Variants in XRCC4 observed in about 807,000 individuals in gnomAD.
XRCC4 encodes DNA repair protein XRCC4.
Under a neutral mutation model 39.1 loss-of-function variants are expected in XRCC4, and 28 were observed. That is an observed-to-expected ratio of 0.72 (90% CI 0.53 to 0.98). The LOEUF is 0.98. XRCC4 is among the 50% of genes least tolerant of loss of function. The probability of loss-of-function intolerance (pLI) is 0.00; values close to 1 mark genes in which losing one functional copy is unlikely to be tolerated. For missense variants in XRCC4, 350 were observed against 376.4 expected (o/e 0.93, Z 0.58); for synonymous variants, 123 against 126.4 (o/e 0.97, Z 0.18).
chr5:83,168,051 A>T (rs1749562813), intron 3 of XRCC4, among the ~76,000 whole-genome samples: 2 of 152,288 alleles, frequency 1.3e-5, no homozygotes, highest in African/African-American at 4.8e-5. Flanking sequence ...ACAAAAAATG[A>T]TGGTAGATAA....
At chr5:83,372,345 A>G in the XRCC4 span, among the ~76,000 whole-genome samples, 1 of 152,288 alleles carries the variant, frequency 6.6e-6, no homozygotes, top group South Asian at 2.1e-4. Flanking sequence ...TACAGAAAAT[A>G]TTTTCAGTAA....
chr5:83,217,107 G>T (rs1425850204), intron 6 of XRCC4, among the ~76,000 whole-genome samples: 1 of 151,910 alleles, frequency 6.6e-6, no homozygotes, highest in Non-Finnish European at 1.5e-5. Context: ...TAATTCCAGT[G>T]CATTGGGAGG....
At chr5:83,303,548 T>TACAATTC (rs1421593005) in intron 7 of XRCC4, among the ~76,000 whole-genome samples, 1 of 152,198 alleles carries the variant, frequency 6.6e-6, no homozygotes, top group African/African-American at 2.4e-5. Flanking sequence ...AACAACAATT[T>TACAATTC]ACAATTCTTC....
At chr5:83,122,389 T>C (rs547890439) in intron 3 of XRCC4, among the ~76,000 whole-genome samples, 2 of 152,230 alleles carry the variant, frequency 1.3e-5, no homozygotes, top group East Asian at 3.9e-4. Context: ...CATTTTTGAT[T>C]GTCACGGCCA....
chr5:83,085,105 A>G (rs1017359525), intron 1 of XRCC4, among the ~76,000 whole-genome samples: 14 of 152,218 alleles, frequency 9.2e-5, no homozygotes, highest in East Asian at 1.9e-4. Flanking sequence ...AAAGAGTTCA[A>G]TCTGGTCTTG....
At chr5:83,090,393 T>C (rs970011994) in intron 1 of XRCC4, among the ~76,000 whole-genome samples, 1 of 152,108 alleles carries the variant, frequency 6.6e-6, no homozygotes, top group Non-Finnish European at 1.5e-5. Context: ...CTGCCATCCA[T>C]GTAAGACATG....
At chr5:83,294,087 C>T (rs892615334) in intron 7 of XRCC4, among the ~76,000 whole-genome samples, 1 of 151,264 alleles carries the variant, frequency 6.6e-6, no homozygotes, top group Non-Finnish European at 1.5e-5. Context: ...ATAAACAGTG[C>T]TTTAAATACT....
In XRCC4 at chr5:83,258,152, C is replaced by T. The variant is rs918818871; in HGVS notation, c.746-378C>T. Among the ~76,000 whole-genome samples, 16 of 151,944 alleles carry T rather than the reference C, an allele frequency of 1.1e-4. No individual in the cohort carries two copies. In the East Asian group the frequency reaches 2.7e-3, roughly 26 times the overall value. On this transcript the variant is annotated intron_variant, in intron 6 of 7. Coordinates refer to ENST00000396027, the MANE Select transcript of XRCC4 (RefSeq NM_003401.5). Reference sequence around the variant, plus strand: ...TGTATACATATGTAACAAACCTGCACGTTCTGTACATGTATCTCAGAACTT... The same window carrying T: ...TGTATACATATGTAACAAACCTGCATGTTCTGTACATGTATCTCAGAACTT...
At chr5:83,272,495 T>G (rs1342589851) in intron 7 of XRCC4, among the ~76,000 whole-genome samples, 1 of 152,130 alleles carries the variant, frequency 6.6e-6, no homozygotes, top group African/African-American at 2.4e-5. Context: ...TGTGCCATGG[T>G]GGTTTGTCAC....
chr5:83,243,958 T>G (rs759432896), intron 6 of XRCC4, among the ~76,000 whole-genome samples: 1 of 152,094 alleles, frequency 6.6e-6, no homozygotes, highest in Non-Finnish European at 1.5e-5. Context: ...AAGTTTAAAT[T>G]AATAGAGAAT....
intron 3 of XRCC4, among the ~76,000 whole-genome samples, chr5:83,147,663 T>C (rs1226626973): frequency 7.1e-6 from 1 of 141,032 alleles, no homozygotes; most frequent in East Asian, 2.1e-4. Flanking sequence ...AAATAACATG[T>C]ACTGTATTCT....
At chr5:83,140,717 T>C (rs1748129178) in intron 3 of XRCC4, among the ~76,000 whole-genome samples, 1 of 152,244 alleles carries the variant, frequency 6.6e-6, no homozygotes, top group Non-Finnish European at 1.5e-5. Context: ...ATGCATATAT[T>C]TAAAATTTCT....
intron 7 of XRCC4, among the ~76,000 whole-genome samples, chr5:83,351,779 C>T (rs1218510423): frequency 6.6e-6 from 1 of 152,122 alleles, no homozygotes; most frequent in Non-Finnish European, 1.5e-5. Flanking sequence ...CTAGTGGCAG[C>T]CAACTGTAGT....
chr5:83,206,521 A>G (rs539769773), intron 6 of XRCC4, among the ~76,000 whole-genome samples: 2 of 152,172 alleles, frequency 1.3e-5, no homozygotes, highest in South Asian at 4.1e-4. Context: ...AAGGAAGGGG[A>G]TAGGAGAGAA....
At chr5:83,192,000 A>G (rs1750717401) in intron 3 of XRCC4, among the ~76,000 whole-genome samples, 1 of 152,108 alleles carries the variant, frequency 6.6e-6, no homozygotes, top group Non-Finnish European at 1.5e-5. Context: ...TGACAAAAAG[A>G]TATCCGGAAT....
At chr5:83,335,265 T>C (rs538289814) in intron 7 of XRCC4, among the ~76,000 whole-genome samples, 86 of 151,966 alleles carry the variant, frequency 5.7e-4, no homozygotes, top group Middle Eastern at 3.4e-3. Context: ...TGGCCTGATA[T>C]AGCAATCAAC....
At chr5:83,202,795 A>G (rs1301423255) in intron 4 of XRCC4, among the ~76,000 whole-genome samples, 1 of 152,204 alleles carries the variant, frequency 6.6e-6, no homozygotes, top group Non-Finnish European at 1.5e-5. Context: ...AGTATATACA[A>G]CCTCAGCTAT....
the XRCC4 span, among the ~76,000 whole-genome samples, chr5:83,372,179 A>AT: frequency 6.6e-6 from 1 of 151,346 alleles, no homozygotes; most frequent in Non-Finnish European, 1.5e-5. Context: ...AGGTTAAGGA[A>AT]TAAAAAAAAA....
chr5:83,098,352 A>G (rs994923574), intron 1 of XRCC4, among the ~76,000 whole-genome samples: 19 of 152,242 alleles, frequency 1.2e-4, no homozygotes, highest in Admixed American at 9.8e-4. Context: ...TTACTACCTT[A>G]TGGTGACTAA....
Sources: gnomAD v4.1 joint callset for allele counts (sites outside exome capture counted in the v4.1 genomes callset) on GRCh38, gnomAD v4.1.1 for gene constraint, MANE v1.5 for transcripts, NCBI Gene and HGNC (gene_info 2026-07-23, HGNC 2026-07-21) for gene names.